VTI1A: variants seen among roughly 807,000 people sequenced by gnomAD.
The protein encoded by VTI1A is vesicle transport through interaction with t-SNAREs homolog 1A.
VTI1A carries 22 observed loss-of-function variants against 34.9 expected under a neutral mutation model. The ratio of observed to expected loss-of-function variants is 0.63; its 90% confidence interval spans 0.45 to 0.90. The LOEUF (loss-of-function observed/expected upper bound fraction) is 0.90, where lower values mean the gene tolerates loss of function less well. Among genes scored for constraint, VTI1A ranks in the 40% least tolerant of loss-of-function variants. The pLI is 0.00. For missense variants in VTI1A, 268 were observed against 275.6 expected (o/e 0.97, Z 0.20); for synonymous variants, 87 against 97.3 (o/e 0.89, Z 0.62).
intron 7 of VTI1A, among the ~76,000 whole-genome samples, chr10:112,739,958 A>G (rs912665173): frequency 6.6e-6 from 1 of 152,258 alleles, no homozygotes; most frequent in Non-Finnish European, 1.5e-5. Context: ...TAAATTATGC[A>G]TTGCAATTAA....
chr10:112,803,210 A>C (rs1487515378), intron 7 of VTI1A, among the ~76,000 whole-genome samples: 2 of 152,148 alleles, frequency 1.3e-5, no homozygotes, highest in African/African-American at 4.8e-5. Flanking sequence ...CTGGGATTAC[A>C]GGTATGTGCC....
intron 3 of VTI1A, among the ~76,000 whole-genome samples, chr10:112,505,638 G>C (rs1485919479): frequency 1.3e-5 from 2 of 151,102 alleles, no homozygotes; most frequent in Non-Finnish European, 3.0e-5. Context: ...TTTTATTCCT[G>C]TGGTGCTTAC....
intron 5 of VTI1A, among the ~76,000 whole-genome samples, chr10:112,618,524 T>TATATATATATATATATATATAGAGAG (rs748276058): frequency 2.9e-5 from 1 of 34,580 alleles, no homozygotes; most frequent in African/African-American, 1.6e-4. Context: ...TATATATATA[T>TATATATATATATATATATATAGAGAG]AGAGAGAGAG....
At chr10:112,546,159 G>T (rs564145920) in intron 5 of VTI1A, among the ~76,000 whole-genome samples, 11 of 150,312 alleles carry the variant, frequency 7.3e-5, no homozygotes, top group Middle Eastern at 3.4e-3. Flanking sequence ...ATATATGTGT[G>T]TATATATATA....
chr10:112,676,852 TA>T (rs1490240542), intron 7 of VTI1A, among the ~76,000 whole-genome samples: 16 of 152,192 alleles, frequency 1.1e-4, no homozygotes, highest in Non-Finnish European at 2.2e-4. Context: ...TGTTGGAATC[TA>T]AAGGTTCCAA....
chr10:112,513,995 C>T (rs1849695704), intron 3 of VTI1A, among the ~76,000 whole-genome samples: 2 of 151,752 alleles, frequency 1.3e-5, no homozygotes, highest in African/African-American at 2.4e-5. Flanking sequence ...CCTTGTCTGG[C>T]TTTAATATCA....
At chr10:112,710,674 C>T (rs1849381049) in intron 7 of VTI1A, among the ~76,000 whole-genome samples, 1 of 146,900 alleles carries the variant, frequency 6.8e-6, no homozygotes, top group East Asian at 2.0e-4. Context: ...ACTCTGAGCT[C>T]ATGCTTTGCC....
chr10:112,536,844 G>T (rs569299679), intron 4 of VTI1A, among the ~76,000 whole-genome samples: 3 of 151,126 alleles, frequency 2.0e-5, no homozygotes, highest in Admixed American at 1.3e-4. Flanking sequence ...CACCTATGCC[G>T]GGAGGGAATA....
At chr10:112,535,484 A>T (rs1292096586) in intron 4 of VTI1A, among the ~76,000 whole-genome samples, 2 of 152,182 alleles carry the variant, frequency 1.3e-5, no homozygotes, top group African/African-American at 4.8e-5. Flanking sequence ...CTTGGAAACA[A>T]AAATATGCCC....
At chr10:112,526,387 T>C (rs1280795091) in intron 3 of VTI1A, among the ~76,000 whole-genome samples, 1 of 152,212 alleles carries the variant, frequency 6.6e-6, no homozygotes, top group East Asian at 1.9e-4. Context: ...CTTTATTTAC[T>C]GTGACTGAGA....
intron 7 of VTI1A, among the ~76,000 whole-genome samples, chr10:112,738,342 T>C (rs1247825852): frequency 6.6e-6 from 1 of 152,232 alleles, no homozygotes; most frequent in Non-Finnish European, 1.5e-5. Context: ...TATTCTTTCC[T>C]CTGTGCTTCC....
chr10:112,521,896 G>T (rs1325779199), intron 3 of VTI1A, among the ~76,000 whole-genome samples: 3 of 151,830 alleles, frequency 2.0e-5, no homozygotes, highest in Non-Finnish European at 4.4e-5. Flanking sequence ...GAGCCTTTTT[G>T]AGTCCTGGTG....
Position 112,767,828 on chromosome 10 carries a change from T to C in VTI1A, c.561-47462T>C, listed in dbSNP as rs35946469. On this transcript the variant is annotated intron_variant, in intron 7 of 7. Transcript: ENST00000393077. The surrounding 1 kb of genome is among the most constrained non-coding windows in gnomAD (Gnocchi z 4.0). ...CTTCATGTAAGGCATGGTGAGATGATATAAAGGCCAAAATGTTCTGGGCCC... is the reference window on the plus strand; with the variant it reads ...CTTCATGTAAGGCATGGTGAGATGACATAAAGGCCAAAATGTTCTGGGCCC... Among the ~76,000 whole-genome samples, 1,621 of 152,278 alleles carry C rather than the reference T, an allele frequency of 0.011. 32 individuals are homozygous for C. Among genetic ancestry groups the C allele is most frequent in the Non-Finnish European group, 0.011 (718 of 68,010 alleles).
At chr10:112,682,840 C>G (rs938308902) in intron 7 of VTI1A, among the ~76,000 whole-genome samples, 1 of 152,118 alleles carries the variant, frequency 6.6e-6, no homozygotes, top group African/African-American at 2.4e-5. Flanking sequence ...GCTCCTGATC[C>G]CGGGGACTCA....
intron 7 of VTI1A, among the ~76,000 whole-genome samples, chr10:112,734,775 C>T (rs1373631461): frequency 6.6e-6 from 1 of 151,866 alleles, no homozygotes; most frequent in African/African-American, 2.4e-5. Context: ...GCCTCAGCCT[C>T]CCGAATAGCT....
chr10:112,465,496 G>C (rs1033703875), intron 3 of VTI1A, among the ~76,000 whole-genome samples: 1 of 152,156 alleles, frequency 6.6e-6, no homozygotes, highest in Non-Finnish European at 1.5e-5. Context: ...ACAAAATGTG[G>C]TATATCCACA....
At chr10:112,533,090 A>C (rs1381109567) in intron 4 of VTI1A, among the ~76,000 whole-genome samples, 2 of 152,112 alleles carry the variant, frequency 1.3e-5, no homozygotes, top group Non-Finnish European at 2.9e-5. Flanking sequence ...AATCATTTTC[A>C]TTTGTAGGTA....
At chr10:112,694,359 T>A (rs908165395) in intron 7 of VTI1A, among the ~76,000 whole-genome samples, 2 of 151,626 alleles carry the variant, frequency 1.3e-5, no homozygotes, top group Middle Eastern at 3.4e-3. Context: ...ACTCAGGAAG[T>A]ATTTGGATGG....
intron 3 of VTI1A, among the ~76,000 whole-genome samples, chr10:112,503,962 T>G (rs1849331739): frequency 6.6e-6 from 1 of 152,178 alleles, no homozygotes; most frequent in Non-Finnish European, 1.5e-5. Flanking sequence ...GAGTCAAAAA[T>G]GGGGATTCCT....
Sources: allele counts gnomAD v4.1 joint callset (sites outside exome capture counted in the v4.1 genomes callset), GRCh38; gene constraint gnomAD v4.1.1; non-coding constraint Gnocchi (gnomAD v3.1); transcripts MANE v1.5; gene names NCBI Gene and HGNC (gene_info 2026-07-23, HGNC 2026-07-21).